The following HS2ST1 variants were observed in gnomAD, a reference collection of about 807,000 sequenced individuals.
HS2ST1 encodes the protein 2-O-sulfotransferase.
In HS2ST1, 18 loss-of-function variants were observed where a neutral mutation model predicts 42.9. That is an observed-to-expected ratio of 0.42 (90% CI 0.29 to 0.62). The LOEUF (loss-of-function observed/expected upper bound fraction) is 0.62, where lower values mean the gene tolerates loss of function less well. Among genes scored for constraint, HS2ST1 ranks in the 20% least tolerant of loss-of-function variants. The probability of loss-of-function intolerance (pLI) is 0.21; values close to 1 mark genes in which losing one functional copy is unlikely to be tolerated. For missense variants in HS2ST1, 334 were observed against 433.8 expected, an observed-to-expected ratio of 0.77 and a Z score of 2.04; for synonymous variants, 146 against 152.9, an observed-to-expected ratio of 0.95 and a Z score of 0.33.
chr1:87,036,723 C>G (rs1273883898), intron 1 of HS2ST1, among the ~76,000 whole-genome samples: 1 of 152,140 alleles, frequency 6.6e-6, no homozygotes, highest in East Asian at 1.9e-4. Context: ...CTTGACCAAA[C>G]TGATATCAGG....
At chr1:87,043,696 A>T (rs138707187) in intron 1 of HS2ST1, among the ~76,000 whole-genome samples, 2 of 152,072 alleles carry the variant, frequency 1.3e-5, no homozygotes, top group African/African-American at 4.8e-5. Flanking sequence ...ATGGATGTAT[A>T]TGTCTTATGT....
intron 1 of HS2ST1, among the ~76,000 whole-genome samples, chr1:87,052,244 C>T (rs1239366775): frequency 6.6e-6 from 1 of 151,116 alleles, no homozygotes; most frequent in Non-Finnish European, 1.5e-5. Flanking sequence ...CAGAGCGAGA[C>T]CCTGTCTCAA....
Position 87,103,441 on chromosome 1 carries a change from A to C in HS2ST1, c.696A>C (p.Gly232=). ...TTTTCTTTGGTTTCAGGAATGTGGG[A>C]AGCAGGTGGGCTATGGATCAAGCCA... ...CGHSSECWNV[G]SRWAMDQAKY... Residue 232 remains glycine, a synonymous_variant, in exon 6 of 7, where the codon GGA becomes GGC. Transcript: ENST00000370550. 6.3e-7 allele frequency: 1 copy of C among 1,595,472 alleles called. No homozygotes were observed.
At chr1:87,014,612 CAAAT>C (rs1364792288) in intron 1 of HS2ST1, among the ~76,000 whole-genome samples, 1 of 152,112 alleles carries the variant, frequency 6.6e-6, no homozygotes, top group African/African-American at 2.4e-5. Flanking sequence ...AAAACCCTGA[CAAAT>C]AGAGCTGGAG....
Position 87,074,688 on chromosome 1 carries a change from T to C in HS2ST1, c.363+1516T>C, listed in dbSNP as rs187823741. On this transcript the variant is annotated intron_variant, in intron 2 of 6. Transcript: ENST00000370550. Reference sequence around the variant, plus strand: ...CTTTTAATAACTTGTTGGTTATGTATAGGAAAAAAAAAACAGCAGGAGAGA... The same window carrying C: ...CTTTTAATAACTTGTTGGTTATGTACAGGAAAAAAAAAACAGCAGGAGAGA... 3.9e-3 allele frequency among the ~76,000 whole-genome samples: 591 copies of C among 151,760 alleles called. 3 individuals carry two copies. The highest frequency in any genetic ancestry group is 0.014 in the African/African-American group (573 of 41,448).
rs141669104 is a variant in HS2ST1 at position 86,979,462 on chromosome 1, T to A, written c.124+64302T>A. Among the ~76,000 whole-genome samples the A allele has an allele frequency of 4.6e-3, 700 of 152,320 alleles. 4 individuals are homozygous for A. The highest frequency in any genetic ancestry group is 0.02 in the Middle Eastern group (6 of 294). The stretch of plus-strand genomic sequence containing the variant: ...GTAAATAGTCATATAGCACTGGATT[T>A]TGTGTTCGTATTGTTGTGTCTTTTT... On this transcript the variant is annotated intron_variant, in intron 1 of 6. Transcript: ENST00000370550.
At chr1:86,973,192 T>A (rs6658900) in intron 1 of HS2ST1, among the ~76,000 whole-genome samples, 114,790 of 151,158 alleles carry the variant, frequency 0.76, 44,327 homozygotes, top group East Asian at 0.97. Flanking sequence ...TGTTCTTAAA[T>A]TTTTTTTTTA....
At position 87,109,656 on chromosome 1, in the gene HS2ST1, C is replaced by G. The variant is rs184305774; in HGVS notation, c.*4960C>G. 1.6e-4 allele frequency: 24 copies of G among 151,818 alleles called. No individual in the cohort carries two copies. The highest frequency in any genetic ancestry group is 5.8e-4 in the African/African-American group (24 of 41,400). The allele number at this position is 151,818 out of a possible 1,614,324, so 9.4% of individuals were successfully genotyped here. ...TGCTTTGAGCAATGCTTGATTGATT[C>G]TATTTATATTATATGATATTGGGTT... On this transcript the variant is annotated 3_prime_UTR_variant, in exon 7 of 7. Transcript: ENST00000370550.
At chr1:87,038,051 A>G (rs1650426028) in intron 1 of HS2ST1, among the ~76,000 whole-genome samples, 1 of 152,090 alleles carries the variant, frequency 6.6e-6, no homozygotes, top group South Asian at 2.1e-4. Context: ...TACTTTAACC[A>G]ATAGTTTTTT....
chr1:86,947,901 G>A (rs921697159), intron 1 of HS2ST1, among the ~76,000 whole-genome samples: 1 of 152,100 alleles, frequency 6.6e-6, no homozygotes. Context: ...ATCCCAAGAA[G>A]AAGAGCAATA....
At position 86,980,425 on chromosome 1, in the gene HS2ST1, A is replaced by G. The variant is rs562730093; in HGVS notation, c.124+65265A>G. On this transcript the variant is annotated intron_variant, in intron 1 of 6. Transcript: ENST00000370550. ...TTAAAAATGCTTGTGAAAGAAAACA[A>G]TGTCAACAAAATGCTAACAATGGTT... Among the ~76,000 whole-genome samples the G allele has an allele frequency of 2.6e-4, 40 of 152,306 alleles. No individual in the cohort carries two copies. The South Asian group carries it at 3.5e-3, about 13-fold the overall frequency.
At chr1:86,963,766 C>A (rs1357310653) in intron 1 of HS2ST1, among the ~76,000 whole-genome samples, 1 of 127,382 alleles carries the variant, frequency 7.9e-6, no homozygotes, top group Non-Finnish European at 1.6e-5. Context: ...ACCTCCCGGA[C>A]GGGGCAGCTG....
intron 1 of HS2ST1, among the ~76,000 whole-genome samples, chr1:86,922,652 C>T (rs756334639): frequency 9.9e-5 from 15 of 152,066 alleles, no homozygotes; most frequent in Non-Finnish European, 1.9e-4. Flanking sequence ...AAAGATATTG[C>T]TTCATTGTCT....
At chr1:87,015,339 C>T (rs1053793314) in intron 1 of HS2ST1, among the ~76,000 whole-genome samples, 35 of 134,204 alleles carry the variant, frequency 2.6e-4, no homozygotes, top group African/African-American at 9.0e-4. Context: ...AACCAACGTG[C>T]CTGGCCCTGT....
At chr1:87,075,774 T>G (rs1651525550) in intron 2 of HS2ST1, among the ~76,000 whole-genome samples, 1 of 152,096 alleles carries the variant, frequency 6.6e-6, no homozygotes, top group Admixed American at 6.5e-5. Flanking sequence ...GTCTCAAAAA[T>G]TTTAGAGGCA....
In HS2ST1 at chr1:87,107,254, T is replaced by G. The variant is rs1249730207; in HGVS notation, c.*2558T>G. On this transcript the variant is annotated 3_prime_UTR_variant, in exon 7 of 7. Transcript: ENST00000370550. The stretch of plus-strand genomic sequence containing the variant: ...GAATTGCTTTCTGATTCGTGTAGTC[T>G]CTCCCACAGATTCATAAACTTTTAT... 1.3e-5 allele frequency: 2 copies of G among 151,980 alleles called. No homozygotes were observed. Among genetic ancestry groups the G allele is most frequent in the Non-Finnish European group, 2.9e-5 (2 of 67,914 alleles). 9.4% of individuals were successfully genotyped at this position (151,980 alleles called of 1,614,324 possible). A position where few individuals can be genotyped will look rare whatever the true frequency, so the allele number is the denominator to read the frequency against.
At chr1:87,003,920 ATCT>A (rs1649361344) in intron 1 of HS2ST1, among the ~76,000 whole-genome samples, 1 of 152,108 alleles carries the variant, frequency 6.6e-6, no homozygotes, top group African/African-American at 2.4e-5. Context: ...CCTAAAACCA[ATCT>A]TCTGTGGATA....
chr1:87,103,649 C>T (rs1652268625), intron 6 of HS2ST1, 60 bp downstream of exon 6: 2 of 1,341,482 alleles, frequency 1.5e-6, no homozygotes, highest in Non-Finnish European at 9.9e-7. Flanking sequence ...TGGTTTGCAA[C>T]TTGTAAATAT....
intron 1 of HS2ST1, among the ~76,000 whole-genome samples, chr1:86,923,485 C>G (rs1252970854): frequency 6.6e-6 from 1 of 151,936 alleles, no homozygotes; most frequent in East Asian, 1.9e-4. Context: ...CAAGCTCCGC[C>G]TCTTGGGTTC....
Sources: gnomAD v4.1 joint callset for allele counts (sites outside exome capture counted in the v4.1 genomes callset) on GRCh38, gnomAD v4.1.1 for gene constraint, MANE v1.5 for transcripts, NCBI Gene and HGNC (gene_info 2026-07-23, HGNC 2026-07-21) for gene names.